The following KIF13A variants were observed in gnomAD, a reference collection of about 807,000 sequenced individuals.
KIF13A encodes the protein kinesin family member 13A.
Under a neutral mutation model 212.2 loss-of-function variants are expected in KIF13A, and 79 were observed. The observed-to-expected ratio is 0.37, with a 90% confidence interval of 0.31 to 0.45. The LOEUF (loss-of-function observed/expected upper bound fraction) is 0.45, where lower values mean the gene tolerates loss of function less well. KIF13A is among the 20% of genes least tolerant of loss of function. KIF13A has a pLI of 1.00. For synonymous variants in KIF13A, 789 were observed against 808.6 expected (o/e 0.98, Z 0.41); for missense variants, 1,901 against 2,209.0 (o/e 0.86, Z 2.79).
intron 2 of KIF13A, among the ~76,000 whole-genome samples, chr6:17,965,482 C>T (rs1779222364): frequency 6.6e-6 from 1 of 152,218 alleles, no homozygotes; most frequent in Non-Finnish European, 1.5e-5. Flanking sequence ...TCAGAGTTCA[C>T]ATGCAGAAAT....
Position 17,987,222 on chromosome 6 carries a change from C to A in KIF13A, c.56-78G>T. 7.7e-7 allele frequency: 1 copy of A among 1,290,438 alleles called. No homozygotes were observed. Among genetic ancestry groups the A allele is most frequent in the Admixed American group, 2.0e-5 (1 of 49,500 alleles). 79.9% of individuals were successfully genotyped at this position (1,290,438 alleles called of 1,614,324 possible). On this transcript the variant is annotated intron_variant, in intron 1 of 38. Transcript: ENST00000259711. The surrounding 1 kb of genome is among the most constrained non-coding windows in gnomAD (Gnocchi z 7.7). ...CCGCCCGCCCGCCAGCCGCGCCGAG[C>A]GGGGCTCCGTCCCTGGAGGCGGCCG...
intron 9 of KIF13A, among the ~76,000 whole-genome samples, chr6:17,844,707 G>C (rs1766849432): frequency 6.6e-6 from 1 of 152,172 alleles, no homozygotes; most frequent in Admixed American, 6.5e-5. Context: ...GAGTTTTGCT[G>C]TCCTTGATGG....
chr6:17,915,108 A>G lies in KIF13A; in HGVS notation c.147-16928T>C, dbSNP rs139158130. 6.6e-6 allele frequency among the ~76,000 whole-genome samples: 1 copy of G among 152,344 alleles called. No homozygotes were observed. The highest frequency in any genetic ancestry group is 1.9e-4 in the East Asian group (1 of 5,186). The stretch of plus-strand genomic sequence containing the variant: ...TATCTATGGTAGCATAAGAGATAAT[A>G]TATTTGACTTTTCTACATTAGGGAG... On this transcript the variant is annotated intron_variant, in intron 2 of 38. Coordinates refer to ENST00000259711, the MANE Select transcript of KIF13A (RefSeq NM_022113.6). This position sits in a 1 kb window ranked among gnomAD's most constrained non-coding sequence, Gnocchi z 4.4.
At chr6:17,957,402 C>T (rs1202489199) in intron 2 of KIF13A, among the ~76,000 whole-genome samples, 6 of 152,164 alleles carry the variant, frequency 3.9e-5, no homozygotes, top group African/African-American at 9.7e-5. Context: ...GCAGACCTCG[C>T]CCTATGTATC....
rs142776940 is a variant in KIF13A at position 17,846,909 on chromosome 6, C to T, written c.830+2468G>A. ...GAGCCTGGGCTCGGAGACCAATTGA[C>T]GGCAACCATTTCCAAAATCCACACT... On this transcript the variant is annotated intron_variant, in intron 9 of 38. Coordinates refer to ENST00000259711, the MANE Select transcript of KIF13A (RefSeq NM_022113.6). Among the ~76,000 whole-genome samples the T allele has an allele frequency of 2.2e-4, 34 of 152,278 alleles. No individual in the cohort carries two copies. The East Asian group carries it at 4.4e-3, about 20-fold the overall frequency.
chr6:17,812,168 T>C (rs1763488236), intron 17 of KIF13A: 1 of 152,236 alleles, frequency 6.6e-6, no homozygotes. Context: ...CAGATACTTT[T>C]GTTTTTTAAA....
At position 17,799,962 on chromosome 6, in the gene KIF13A, A is replaced by G; in HGVS notation, c.2606T>C (p.Leu869Pro). The change falls in exon 21 of 39, where the codon CTG becomes CCG. Residue 869 changes from leucine to proline, a missense_variant. By Grantham distance (98) the Leu-to-Pro change is moderately conservative. Coordinates refer to ENST00000259711, the MANE Select transcript of KIF13A (RefSeq NM_022113.6). The surrounding 1 kb of genome is among the most constrained non-coding windows in gnomAD (Gnocchi z 4.4). The stretch of plus-strand genomic sequence containing the variant: ...TCACTGTCCTCTCACCCGACATGTC[A>G]GCTTTTTGACTCGGTGAATGATTTC... ...SGEIIHRVKKLTCRVKIKEAT... is the reference protein window; with the variant it reads ...SGEIIHRVKKPTCRVKIKEAT... The G allele has an allele frequency of 4.3e-6, 7 of 1,613,864 alleles. No homozygotes were observed. Among genetic ancestry groups the G allele is most frequent in the Non-Finnish European group, 5.1e-6 (6 of 1,179,818 alleles).
chr6:17,783,463 T>A lies in KIF13A; in HGVS notation c.3544+183A>T, dbSNP rs1409013499. Among the ~76,000 whole-genome samples, 2 of 151,464 alleles carry A rather than the reference T, an allele frequency of 1.3e-5. No individual in the cohort carries two copies. The highest frequency in any genetic ancestry group is 6.6e-5 in the Admixed American group (1 of 15,228). On this transcript the variant is annotated intron_variant, in intron 29 of 38. Transcript: ENST00000259711. This position sits in a 1 kb window ranked among gnomAD's most constrained non-coding sequence, Gnocchi z 4.3. Reference sequence around the variant, plus strand: ...GTGCATGCAGTTCTCAATCACCCTATGTGCTCTTTTTTTGATTATCCACAT... The same window carrying A: ...GTGCATGCAGTTCTCAATCACCCTAAGTGCTCTTTTTTTGATTATCCACAT...
intron 12 of KIF13A, 36 bp downstream of exon 12, chr6:17,833,925 G>C: frequency 9.9e-7 from 1 of 1,006,816 alleles, no homozygotes; most frequent in Non-Finnish European, 1.4e-6. Flanking sequence ...AAGTGAAAAA[G>C]AATCCCAATA....
chr6:17,779,472 A>G (rs1760328678), intron 32 of KIF13A, 120 bp downstream of exon 32: 2 of 473,606 alleles, frequency 4.2e-6, no homozygotes, highest in Non-Finnish European at 7.8e-6. Flanking sequence ...GGGTTTCTCC[A>G]TGTTGGTCAG....
At position 17,785,708 on chromosome 6, in the gene KIF13A, A is replaced by C. The variant is rs555263859; in HGVS notation, c.3362-67T>G. On this transcript the variant is annotated intron_variant, in intron 27 of 38. Transcript: ENST00000259711. This position sits in a 1 kb window ranked among gnomAD's most constrained non-coding sequence, Gnocchi z 5.8. ...AGTATGACTTCTCAGTTTACAAGGA[A>C]TAGATTTCAGCCTGGGCAACATAGT... 9 of 1,539,766 alleles carry C rather than the reference A, an allele frequency of 5.8e-6. No homozygotes were observed. In the East Asian group the frequency reaches 7.2e-5, roughly 12 times the overall value.
intron 4 of KIF13A, among the ~76,000 whole-genome samples, chr6:17,859,638 A>ATTTTTTTTTTTTTTTTTTTT (rs1176958380): frequency 1.8e-5 from 2 of 111,858 alleles, no homozygotes; most frequent in African/African-American, 3.5e-5. Flanking sequence ...ATATATATAT[A>ATTTTTTTTTTTTTTTTTTTT]TTTTTTTTTT....
rs1208026508 is a variant in KIF13A at position 17,919,929 on chromosome 6, T to A, written c.147-21749A>T. On this transcript the variant is annotated intron_variant, in intron 2 of 38. Coordinates refer to ENST00000259711, the MANE Select transcript of KIF13A (RefSeq NM_022113.6). This position sits in a 1 kb window ranked among gnomAD's most constrained non-coding sequence, Gnocchi z 4.1. ...AGTGATCTGAAAAATTAACTTCTAT[T>A]AAAATACTCATGGAAGGGAAGACAT... 1.3e-5 allele frequency among the ~76,000 whole-genome samples: 2 copies of A among 152,178 alleles called. No individual in the cohort carries two copies. The highest frequency in any genetic ancestry group is 2.9e-5 in the Non-Finnish European group (2 of 68,028).
At chr6:17,770,917 T>A (rs942085137) in intron 38 of KIF13A, 197 bp downstream of exon 38, 2 of 493,024 alleles carry the variant, frequency 4.1e-6, no homozygotes, top group African/African-American at 2.0e-5. Flanking sequence ...AAGCAAAAAA[T>A]AAATAAATAA....
At position 17,982,322 on chromosome 6, in the gene KIF13A, T is replaced by C; in HGVS notation, c.146+4732A>G. 1 of 435,218 alleles carries C rather than the reference T, an allele frequency of 2.3e-6. No homozygotes were observed. Among genetic ancestry groups the C allele is most frequent in the Non-Finnish European group, 3.0e-6 (1 of 327,986 alleles). The allele number at this position is 435,218 out of a possible 1,614,324, so 27.0% of individuals were successfully genotyped here. A position where few individuals can be genotyped will look rare whatever the true frequency, so the allele number is the denominator to read the frequency against. ...CATGTTGGCCAGGCTGGTCTCGAAC[T>C]CCTGACCTCAGGTGATCTGCCTGCC... is the stretch of plus-strand genomic sequence containing the variant. On this transcript the variant is annotated intron_variant, in intron 2 of 38. Coordinates refer to ENST00000259711, the MANE Select transcript of KIF13A (RefSeq NM_022113.6). This position sits in a 1 kb window ranked among gnomAD's most constrained non-coding sequence, Gnocchi z 5.1.
rs945252633 is a variant in KIF13A at position 17,971,229 on chromosome 6, A to G, written c.146+15825T>C. Among the ~76,000 whole-genome samples the G allele has an allele frequency of 4.3e-4, 66 of 152,306 alleles. No individual in the cohort carries two copies. The highest frequency in any genetic ancestry group is 1.5e-3 in the African/African-American group (63 of 41,564). ...GCACACACCAGGGACACCTAACTGT[A>G]CTTCACAGTTCAGAGTTCACATAGC... On this transcript the variant is annotated intron_variant, in intron 2 of 38. Transcript: ENST00000259711. The surrounding 1 kb of genome is among the most constrained non-coding windows in gnomAD (Gnocchi z 4.2).
rs1365738904 is a variant in KIF13A at position 17,960,388 on chromosome 6, A to T, written c.146+26666T>A. Among the ~76,000 whole-genome samples the T allele has an allele frequency of 2.0e-5, 3 of 152,214 alleles. No homozygotes were observed. The East Asian group carries it at 5.8e-4, about 29-fold the overall frequency. On this transcript the variant is annotated intron_variant, in intron 2 of 38. Coordinates refer to ENST00000259711, the MANE Select transcript of KIF13A (RefSeq NM_022113.6). ...TAAACTTAACAAATGAATTATAACT[A>T]AAAATAACACTGCTAAACTTTAAAA... is the stretch of plus-strand genomic sequence containing the variant.
chr6:17,950,522 C>A (rs1581826576), intron 2 of KIF13A: 1 of 985,280 alleles, frequency 1.0e-6, no homozygotes, highest in South Asian at 4.7e-5. Context: ...AGAACATGTA[C>A]ACAAACACAC....
At chr6:17,822,601 C>A (rs1196346507) in intron 16 of KIF13A, among the ~76,000 whole-genome samples, 1 of 152,100 alleles carries the variant, frequency 6.6e-6, no homozygotes, top group African/African-American at 2.4e-5. Flanking sequence ...TAAACTGATA[C>A]CACCTGTAAA....
Sources: allele counts gnomAD v4.1 joint callset (sites outside exome capture counted in the v4.1 genomes callset), GRCh38; gene constraint gnomAD v4.1.1; non-coding constraint Gnocchi (gnomAD v3.1); transcripts MANE v1.5; gene names NCBI Gene and HGNC (gene_info 2026-07-23, HGNC 2026-07-21).